NTM: variants seen among roughly 807,000 people sequenced by gnomAD.
NTM encodes neurotrimin.
Under a neutral mutation model 42.1 loss-of-function variants are expected in NTM, and 13 were observed. The observed-to-expected ratio is 0.31, with a 90% confidence interval of 0.20 to 0.49. The LOEUF is 0.49. Ranked by LOEUF, NTM falls within the 20% of genes least tolerant of loss-of-function variation. NTM has a pLI of 0.99. For synonymous variants in NTM, 187 were observed against 179.2 expected (o/e 1.04, Z -0.35); for missense variants, 373 against 452.8 (o/e 0.82, Z 1.60).
intron 2 of NTM, among the ~76,000 whole-genome samples, chr11:132,098,747 T>A (rs7947665): frequency 0.012 from 1,771 of 152,324 alleles, 36 homozygotes; most frequent in African/African-American, 0.041. Context: ...GTGAATTCCG[T>A]CAGGAGATGT....
intron 1 of NTM, among the ~76,000 whole-genome samples, chr11:131,499,501 T>G (rs2046461413): frequency 6.6e-6 from 1 of 152,346 alleles, no homozygotes; most frequent in Admixed American, 6.5e-5. Flanking sequence ...CACTTCACTT[T>G]TGCTTCTTTC....
intron 4 of NTM, among the ~76,000 whole-genome samples, chr11:132,244,543 A>G (rs191771318): frequency 1.5e-4 from 23 of 152,314 alleles, no homozygotes; most frequent in Admixed American, 1.3e-3. Context: ...ACTACTGTAC[A>G]CTAACTTACA....
chr11:132,125,298 TGTGTGTG>T (rs1296678049), intron 2 of NTM, among the ~76,000 whole-genome samples: 1 of 151,166 alleles, frequency 6.6e-6, no homozygotes, highest in African/African-American at 2.4e-5. Flanking sequence ...TGTGTGTGTG[TGTGTGTG>T]GTGTGGTATG....
chr11:131,915,455 C>T (rs1592821849), intron 2 of NTM, among the ~76,000 whole-genome samples: 4 of 152,208 alleles, frequency 2.6e-5, no homozygotes, highest in East Asian at 3.9e-4. Context: ...CAGATGCTTA[C>T]TCAAACAAAA....
chr11:131,555,545 C>T (rs979372129), intron 1 of NTM, among the ~76,000 whole-genome samples: 9 of 152,168 alleles, frequency 5.9e-5, no homozygotes, highest in African/African-American at 2.2e-4. Flanking sequence ...AAGTCTGCAG[C>T]CTGTGGCATA....
rs114686059 is a variant in NTM, at chr11:131,466,709, G to A, written c.82+95821G>A. 7.1e-3 allele frequency among the ~76,000 whole-genome samples: 1,086 copies of A among 152,236 alleles called. 20 individuals are homozygous for A. Among genetic ancestry groups the A allele is most frequent in the African/African-American group, 0.024 (993 of 41,526 alleles). On this transcript the variant is annotated intron_variant, in intron 1 of 8. Coordinates refer to ENST00000683400, the MANE Select transcript of NTM (RefSeq NM_001352005.2). ...CTTTCCATTGAAATTAGGTAGCTGG[G>A]TATATCATGGTTCCAAATCACTACA...
intron 2 of NTM, among the ~76,000 whole-genome samples, chr11:132,046,342 TTGAA>T (rs1469967019): frequency 1.7e-5 from 2 of 117,376 alleles, no homozygotes; most frequent in East Asian, 1.1e-3. Flanking sequence ...ATTTGTTAAA[TTGAA>T]CTAACTGTTT....
At chr11:131,460,710 G>A (rs1352638917) in intron 1 of NTM, among the ~76,000 whole-genome samples, 5 of 152,038 alleles carry the variant, frequency 3.3e-5, no homozygotes, top group Admixed American at 2.0e-4. Context: ...CCACCACCAC[G>A]CCTGGCTAAT....
chr11:131,978,622 C>T (rs889893742), intron 2 of NTM, among the ~76,000 whole-genome samples: 1 of 152,094 alleles, frequency 6.6e-6, no homozygotes, highest in Non-Finnish European at 1.5e-5. Flanking sequence ...GAGGCTCCCG[C>T]AGCAGTAACC....
At chr11:131,463,747 G>A (rs1296382141) in intron 1 of NTM, among the ~76,000 whole-genome samples, 1 of 152,176 alleles carries the variant, frequency 6.6e-6, no homozygotes, top group Non-Finnish European at 1.5e-5. Flanking sequence ...AATAGTCCAT[G>A]TGGAATCCAT....
chr11:132,328,835 T>C (rs2136407254), intron 7 of NTM, among the ~76,000 whole-genome samples: 1 of 152,244 alleles, frequency 6.6e-6, no homozygotes, highest in South Asian at 2.1e-4. Context: ...GCTTCTGAAC[T>C]TGTTTCTGGG....
intron 1 of NTM, among the ~76,000 whole-genome samples, chr11:131,495,635 C>T (rs1029367038): frequency 4.6e-5 from 7 of 151,616 alleles, no homozygotes; most frequent in South Asian, 4.1e-4. Flanking sequence ...CCTGGGAGTG[C>T]GGCCAGAAGA....
chr11:131,839,966 G>T (rs2044019520), intron 1 of NTM, among the ~76,000 whole-genome samples: 1 of 152,198 alleles, frequency 6.6e-6, no homozygotes, highest in Admixed American at 6.5e-5. Flanking sequence ...CTGACTACAA[G>T]CCTTCACACC....
At chr11:132,178,760 T>C (rs541285009) in intron 3 of NTM, among the ~76,000 whole-genome samples, 15 of 152,260 alleles carry the variant, frequency 9.9e-5, no homozygotes, top group African/African-American at 3.1e-4. Flanking sequence ...TAATTAAAAA[T>C]GAAGTGAAAA....
intron 1 of NTM, among the ~76,000 whole-genome samples, chr11:131,845,339 G>C (rs969057): frequency 6.6e-6 from 1 of 151,944 alleles, no homozygotes; most frequent in East Asian, 1.9e-4. Flanking sequence ...GGGAGCTTGT[G>C]TTTGTATTCT....
At chr11:131,523,782 C>CAAAAAAAAAAAAAAAAAA (rs3040114) in intron 1 of NTM, among the ~76,000 whole-genome samples, 4 of 72,190 alleles carry the variant, frequency 5.5e-5, no homozygotes, top group Non-Finnish European at 1.1e-4. Context: ...GACTCCATCT[C>CAAAAAAAAAAAAAAAAAA]AAAAAAAAAA....
chr11:131,974,196 T>C (rs541499803), intron 2 of NTM, among the ~76,000 whole-genome samples: 2 of 152,356 alleles, frequency 1.3e-5, no homozygotes, highest in African/African-American at 4.8e-5. Context: ...TCATTAATTT[T>C]GTGGGGTGTC....
At chr11:131,966,735 C>T (rs1041225892) in intron 2 of NTM, among the ~76,000 whole-genome samples, 1 of 152,114 alleles carries the variant, frequency 6.6e-6, no homozygotes. Context: ...CTCAGGGACC[C>T]TCTCACCATG....
chr11:131,907,103 C>T (rs112878177), intron 1 of NTM, among the ~76,000 whole-genome samples: 1 of 150,788 alleles, frequency 6.6e-6, no homozygotes, highest in Non-Finnish European at 1.5e-5. Flanking sequence ...GCCTGCACTC[C>T]TATGTGAGAT....
Sources: gnomAD v4.1 joint callset for allele counts (sites outside exome capture counted in the v4.1 genomes callset) on GRCh38, gnomAD v4.1.1 for gene constraint, MANE v1.5 for transcripts, NCBI Gene and HGNC (gene_info 2026-07-23, HGNC 2026-07-21) for gene names.